The following ZNF804B variants were observed in gnomAD, a reference collection of about 807,000 sequenced individuals.
ZNF804B encodes the protein zinc finger protein 804B.
Under a neutral mutation model 101.4 loss-of-function variants are expected in ZNF804B, and 80 were observed. The ratio of observed to expected loss-of-function variants is 0.79; its 90% CI spans 0.66 to 0.95. The LOEUF is 0.95. Among genes scored for constraint, ZNF804B ranks in the 40% least tolerant of loss-of-function variants. ZNF804B has a pLI of 0.00. For missense variants in ZNF804B, 1,673 were observed against 1,561.9 expected (o/e 1.07, Z -1.20); for synonymous variants, 622 against 558.8 (o/e 1.11, Z -1.59).
intron 1 of ZNF804B, among the ~76,000 whole-genome samples, chr7:89,197,473 GTC>G (rs1459394828): frequency 6.6e-6 from 1 of 151,846 alleles, no homozygotes; most frequent in African/African-American, 2.4e-5. Context: ...AAGTAATGTA[GTC>G]TGCATAAAAA....
intron 1 of ZNF804B, among the ~76,000 whole-genome samples, chr7:88,883,415 A>C (rs966730823): frequency 3.3e-5 from 5 of 152,066 alleles, no homozygotes; most frequent in Non-Finnish European, 5.9e-5. Context: ...TACATAAGGC[A>C]TGGCCATATA....
chr7:88,798,018 C>T (rs534632723), intron 1 of ZNF804B, among the ~76,000 whole-genome samples: 6 of 152,104 alleles, frequency 3.9e-5, no homozygotes, highest in African/African-American at 1.4e-4. Context: ...TTTGCTCATT[C>T]TCCTCCAGGT....
chr7:88,831,770 T>A (rs746793662), intron 1 of ZNF804B, among the ~76,000 whole-genome samples: 1 of 151,954 alleles, frequency 6.6e-6, no homozygotes, highest in Non-Finnish European at 1.5e-5. Flanking sequence ...CTGACCTTGC[T>A]CTTTGACCAT....
intron 2 of ZNF804B, among the ~76,000 whole-genome samples, chr7:89,230,497 C>T (rs1035297890): frequency 5.3e-5 from 8 of 151,982 alleles, no homozygotes; most frequent in Admixed American, 2.6e-4. Context: ...TGAGCTAACA[C>T]GATCCAGTTT....
intron 1 of ZNF804B, among the ~76,000 whole-genome samples, chr7:88,991,198 T>C (rs1226066355): frequency 6.6e-6 from 1 of 152,176 alleles, no homozygotes; most frequent in Non-Finnish European, 1.5e-5. Context: ...TTTAGTCAGA[T>C]CCCAGAAGGC....
At chr7:88,891,675 C>T (rs2115931333) in intron 1 of ZNF804B, among the ~76,000 whole-genome samples, 1 of 150,348 alleles carries the variant, frequency 6.7e-6, no homozygotes, top group South Asian at 2.1e-4. Flanking sequence ...CTTTAATTCC[C>T]CTTTTTATTT....
chr7:89,328,973 T>G (rs574287956), intron 3 of ZNF804B, among the ~76,000 whole-genome samples: 1 of 151,684 alleles, frequency 6.6e-6, no homozygotes, highest in African/African-American at 2.4e-5. Context: ...ATAATGATGC[T>G]GATGATGATA....
At chr7:89,100,465 G>T (rs2116337531) in intron 1 of ZNF804B, among the ~76,000 whole-genome samples, 1 of 152,124 alleles carries the variant, frequency 6.6e-6, no homozygotes, top group South Asian at 2.1e-4. Flanking sequence ...GAACAAATTG[G>T]ATTACATCAA....
At chr7:89,110,167 G>A (rs1474037405) in intron 1 of ZNF804B, among the ~76,000 whole-genome samples, 1 of 152,106 alleles carries the variant, frequency 6.6e-6, no homozygotes, top group Non-Finnish European at 1.5e-5. Context: ...GTAAAGGTGA[G>A]TCACCAGGAG....
At chr7:89,155,894 T>G (rs982468571) in intron 1 of ZNF804B, among the ~76,000 whole-genome samples, 2 of 152,046 alleles carry the variant, frequency 1.3e-5, no homozygotes, top group East Asian at 3.9e-4. Flanking sequence ...CTTCTCTCTC[T>G]TTCTTCTTTC....
At chr7:88,772,365 C>T (rs1221047009) in intron 1 of ZNF804B, among the ~76,000 whole-genome samples, 3 of 152,116 alleles carry the variant, frequency 2.0e-5, no homozygotes, top group African/African-American at 7.2e-5. Flanking sequence ...ATATATCACA[C>T]TCTGTTTAAA....
intron 1 of ZNF804B, among the ~76,000 whole-genome samples, chr7:88,908,278 G>C (rs955718165): frequency 6.6e-6 from 1 of 150,724 alleles, no homozygotes; most frequent in South Asian, 2.1e-4. Flanking sequence ...ATGCTGAAAC[G>C]TAATGTGTAT....
At chr7:88,993,876 G>C (rs1793883314) in intron 1 of ZNF804B, among the ~76,000 whole-genome samples, 1 of 151,894 alleles carries the variant, frequency 6.6e-6, no homozygotes, top group African/African-American at 2.4e-5. Flanking sequence ...AAATTTGAAA[G>C]AAACAAGTGA....
intron 1 of ZNF804B, among the ~76,000 whole-genome samples, chr7:89,117,058 G>A (rs1028260201): frequency 2.0e-5 from 3 of 152,102 alleles, no homozygotes; most frequent in South Asian, 2.1e-4. Context: ...TTGAAGATAC[G>A]AACCTTGAAA....
intron 1 of ZNF804B, among the ~76,000 whole-genome samples, chr7:89,036,550 G>A (rs1399765670): frequency 1.3e-5 from 2 of 151,800 alleles, no homozygotes; most frequent in African/African-American, 4.8e-5. Flanking sequence ...ATTTAAGTGT[G>A]GTTTTTGAAA....
At chr7:88,771,890 A>G (rs528129611) in intron 1 of ZNF804B, among the ~76,000 whole-genome samples, 1 of 152,262 alleles carries the variant, frequency 6.6e-6, no homozygotes, top group East Asian at 1.9e-4. Flanking sequence ...AGACAGCAAT[A>G]AATGATTAAA....
At chr7:88,940,294 A>G (rs764817000) in intron 1 of ZNF804B, among the ~76,000 whole-genome samples, 1 of 152,070 alleles carries the variant, frequency 6.6e-6, no homozygotes, top group Non-Finnish European at 1.5e-5. Flanking sequence ...TAATAAAACC[A>G]AAACTTAAGG....
intron 1 of ZNF804B, among the ~76,000 whole-genome samples, chr7:89,175,828 C>T (rs1000668556): frequency 1.3e-5 from 2 of 151,802 alleles, no homozygotes; most frequent in African/African-American, 2.4e-5. Flanking sequence ...TTGTTTATAG[C>T]TTTTGTAAAT....
intron 1 of ZNF804B, among the ~76,000 whole-genome samples, chr7:88,992,606 G>A (rs1344636335): frequency 2.0e-5 from 3 of 152,046 alleles, no homozygotes; most frequent in African/African-American, 7.2e-5. Context: ...TAAATGGCTG[G>A]TGTGATTAGA....
Sources: gnomAD v4.1 joint callset for allele counts (sites outside exome capture counted in the v4.1 genomes callset) on GRCh38, gnomAD v4.1.1 for gene constraint, MANE v1.5 for transcripts, NCBI Gene and HGNC (gene_info 2026-07-23, HGNC 2026-07-21) for gene names.